The following NRXN1 variants were observed in gnomAD, a reference collection of about 807,000 sequenced individuals.
NRXN1 encodes the protein neurexin 1.
NRXN1 carries 39 observed loss-of-function variants against 150.9 expected under a neutral mutation model. The observed-to-expected ratio is 0.26, with a 90% CI of 0.20 to 0.34. The LOEUF is 0.34. Ranked by LOEUF, NRXN1 falls within the 10% of genes least tolerant of loss-of-function variation. NRXN1 has a pLI of 1.00. For synonymous variants in NRXN1, 924 were observed against 757.0 expected (o/e 1.22, Z -3.62); for missense variants, 1,815 against 1,949.9 (o/e 0.93, Z 1.30).
At chr2:50,736,491 G>C (rs938204702) in intron 5 of NRXN1, among the ~76,000 whole-genome samples, 4 of 152,070 alleles carry the variant, frequency 2.6e-5, no homozygotes, top group African/African-American at 9.7e-5. Flanking sequence ...ATCTTATCTT[G>C]AATTGCAGCT....
chr2:50,739,213 A>T, intron 5 of NRXN1: 2 of 489,430 alleles, frequency 4.1e-6, no homozygotes, highest in South Asian at 3.1e-5. Context: ...TACAGTAGAA[A>T]TCGACCAAGG....
chr2:50,275,510 A>G (rs2152926719), intron 17 of NRXN1, among the ~76,000 whole-genome samples: 1 of 152,248 alleles, frequency 6.6e-6, no homozygotes, highest in South Asian at 2.1e-4. Context: ...AGAAAAAAAA[A>G]AATCTATTCA....
At chr2:50,049,406 AG>A (rs2152616409) in intron 21 of NRXN1, among the ~76,000 whole-genome samples, 1 of 152,270 alleles carries the variant, frequency 6.6e-6, no homozygotes, top group South Asian at 2.1e-4. Flanking sequence ...AGAGGCAGCA[AG>A]GCCAAAGTAC....
At chr2:50,940,634 G>T (rs928890864) in intron 2 of NRXN1, among the ~76,000 whole-genome samples, 2 of 152,056 alleles carry the variant, frequency 1.3e-5, no homozygotes, top group Non-Finnish European at 2.9e-5. Context: ...CAAACAAGAT[G>T]AAAGTTGCAT....
At chr2:51,008,663 T>C (rs1187237191) in intron 2 of NRXN1, among the ~76,000 whole-genome samples, 1 of 151,738 alleles carries the variant, frequency 6.6e-6, no homozygotes, top group Non-Finnish European at 1.5e-5. Context: ...GTATAAAATA[T>C]ACTCAAAGAT....
chr2:50,899,847 G>A (rs1682643446), intron 5 of NRXN1, among the ~76,000 whole-genome samples: 1 of 152,228 alleles, frequency 6.6e-6, no homozygotes, highest in East Asian at 1.9e-4. Flanking sequence ...ATAAACGTCA[G>A]GTTGTTGAAA....
chr2:50,071,057 T>C (rs577917027), intron 19 of NRXN1, among the ~76,000 whole-genome samples: 1 of 152,298 alleles, frequency 6.6e-6, no homozygotes, highest in African/African-American at 2.4e-5. Context: ...GCTCCATTAC[T>C]AAGGACAATT....
chr2:51,005,875 T>C (rs374465907), intron 2 of NRXN1, among the ~76,000 whole-genome samples: 19 of 151,948 alleles, frequency 1.3e-4, no homozygotes, highest in African/African-American at 3.4e-4. Context: ...GACCCAAATA[T>C]ATGTTGCCTA....
At chr2:49,951,970 T>A (rs1352061957) in intron 21 of NRXN1, among the ~76,000 whole-genome samples, 1 of 151,970 alleles carries the variant, frequency 6.6e-6, no homozygotes, top group East Asian at 1.9e-4. Context: ...AATGAAAACA[T>A]GTTTTAGTTA....
chr2:49,932,275 G>T (rs1003708098), intron 22 of NRXN1, among the ~76,000 whole-genome samples: 6 of 152,046 alleles, frequency 3.9e-5, no homozygotes, highest in Admixed American at 1.3e-4. Context: ...AAAAAAATTA[G>T]CCTGGCATGG....
At chr2:50,853,859 A>G (rs968167177) in intron 5 of NRXN1, among the ~76,000 whole-genome samples, 1 of 152,118 alleles carries the variant, frequency 6.6e-6, no homozygotes, top group African/African-American at 2.4e-5. Context: ...TCATAATTAA[A>G]GAGAAAACAG....
chr2:50,629,700 T>C lies in NRXN1; in HGVS notation c.833-6085A>G, dbSNP rs142752657. On this transcript the variant is annotated intron_variant, in intron 5 of 22. Coordinates refer to ENST00000401669, the MANE Select transcript of NRXN1 (RefSeq NM_001330078.2). ...ATTTTCTTCCTGATTAATAAGATGA[T>C]ATGAGAAGACACTATTCCTATTAAT... 4.8e-3 allele frequency among the ~76,000 whole-genome samples: 723 copies of C among 151,800 alleles called. 8 individuals are homozygous for C. The highest frequency in any genetic ancestry group is 0.017 in the African/African-American group (690 of 41,536).
chr2:50,316,013 G>A (rs2075576764), intron 17 of NRXN1, among the ~76,000 whole-genome samples: 1 of 152,100 alleles, frequency 6.6e-6, no homozygotes, highest in Non-Finnish European at 1.5e-5. Flanking sequence ...GGCATGAGAT[G>A]AAGGAGTTGG....
intron 2 of NRXN1, among the ~76,000 whole-genome samples, chr2:50,927,787 A>T (rs1687127256): frequency 6.6e-6 from 1 of 152,016 alleles, no homozygotes; most frequent in South Asian, 2.1e-4. Context: ...TTGCTACAGC[A>T]TTATTTAATT....
intron 5 of NRXN1, among the ~76,000 whole-genome samples, chr2:50,860,822 G>T (rs541859957): frequency 3.3e-5 from 5 of 152,204 alleles, no homozygotes; most frequent in African/African-American, 1.2e-4. Flanking sequence ...TAAGACTAAA[G>T]TGCCAGATTT....
chr2:50,279,489 C>A (rs760720758), intron 17 of NRXN1, among the ~76,000 whole-genome samples: 6 of 152,062 alleles, frequency 3.9e-5, no homozygotes, highest in Non-Finnish European at 8.8e-5. Context: ...CAAAATTTAA[C>A]TTTTTTGGTT....
chr2:50,893,648 G>T (rs1210643824), intron 5 of NRXN1, among the ~76,000 whole-genome samples: 1 of 152,128 alleles, frequency 6.6e-6, no homozygotes, highest in African/African-American at 2.4e-5. Flanking sequence ...CTCTGATTAT[G>T]CAGGGATGTA....
At chr2:50,405,414 G>A (rs569888706) in intron 17 of NRXN1, among the ~76,000 whole-genome samples, 4 of 152,248 alleles carry the variant, frequency 2.6e-5, no homozygotes, top group East Asian at 1.9e-4. Flanking sequence ...TCTCCAAGAG[G>A]TGGAAAGAAA....
Position 50,640,249 on chromosome 2 carries a change from T to C in NRXN1, c.833-16634A>G, listed in dbSNP as rs1683876220. On this transcript the variant is annotated intron_variant, in intron 5 of 22. Transcript: ENST00000401669. ...CTCAGGTGATTCTAATATGTGGAAATGGTAAAAACGCAGAGTTTAGAGAGA... is the reference window on the plus strand; with the variant it reads ...CTCAGGTGATTCTAATATGTGGAAACGGTAAAAACGCAGAGTTTAGAGAGA... 2.0e-5 allele frequency among the ~76,000 whole-genome samples: 3 copies of C among 152,120 alleles called. No homozygotes were observed. The South Asian group carries it at 6.2e-4, about 32-fold the overall frequency.
Sources: gnomAD v4.1 joint callset for allele counts (sites outside exome capture counted in the v4.1 genomes callset) on GRCh38, gnomAD v4.1.1 for gene constraint, MANE v1.5 for transcripts, NCBI Gene and HGNC (gene_info 2026-07-23, HGNC 2026-07-21) for gene names.